ZNF841: variants seen among roughly 807,000 people sequenced by gnomAD.
ZNF841 encodes zinc finger protein 841.
Under a neutral mutation model 13.0 loss-of-function variants are expected in ZNF841, and 11 were observed. The ratio of observed to expected loss-of-function variants is 0.85; its 90% CI spans 0.53 to 1.40. The LOEUF (loss-of-function observed/expected upper bound fraction) is 1.40. Among genes scored for constraint, ZNF841 ranks in the 40% most tolerant of loss-of-function variants. The pLI is 0.00. For missense variants in ZNF841, 1,068 were observed against 1,139.5 expected, an observed-to-expected ratio of 0.94 and a Z score of 0.90; for synonymous variants, 369 against 381.6, an observed-to-expected ratio of 0.97 and a Z score of 0.38.
At chr19:52,061,543 C>G (rs376915727), downstream of ZNF841, among the ~76,000 whole-genome samples, 3 of 151,964 alleles carry the variant, frequency 2.0e-5, no homozygotes, top group African/African-American at 4.8e-5. Flanking sequence ...TGATCCCCCC[C>G]ACTCTTACTT....
intron 2 of ZNF841, among the ~76,000 whole-genome samples, chr19:52,090,337 G>A (rs2088428284): frequency 1.3e-5 from 2 of 152,016 alleles, no homozygotes; most frequent in African/African-American, 4.8e-5. Flanking sequence ...GAGGTGGGAG[G>A]ATTGCTTGAG....
At chr19:52,076,920 A>T in intron 5 of ZNF841, 38 bp downstream of exon 5, 1 of 1,605,884 alleles carries the variant, frequency 6.2e-7, no homozygotes, top group Non-Finnish European at 8.5e-7. Context: ...AAAATGCACA[A>T]GGGAAGATCC....
intron 1 of ZNF841, 191 bp from the exon 2 acceptor site, chr19:52,094,162 C>G (rs1319433624): frequency 2.0e-5 from 3 of 152,162 alleles, no homozygotes; most frequent in Non-Finnish European, 2.9e-5. Flanking sequence ...TGCCCTCTGG[C>G]TAAATAGGAA....
chr19:52,062,871 ATTTT>A (rs34996737), downstream of ZNF841, among the ~76,000 whole-genome samples: 4,283 of 120,108 alleles, frequency 0.036, 72 homozygotes, highest in Non-Finnish European at 0.055. Context: ...CTGTTGAGAA[ATTTT>A]TTTTTTTTTT....
At chr19:52,075,935 G>C in intron 6 of ZNF841, 109 bp downstream of exon 6, 1 of 1,405,314 alleles carries the variant, frequency 7.1e-7, no homozygotes, top group Non-Finnish European at 9.5e-7. Context: ...GAAAACTTCT[G>C]GAGCTCACAG....
chr19:52,068,593 TGGAACCCAGGAG>T (rs1348886949), intron 6 of ZNF841, among the ~76,000 whole-genome samples: 1 of 148,906 alleles, frequency 6.7e-6, no homozygotes, highest in African/African-American at 2.5e-5. Context: ...GGAGAATCAT[TGGAACCCAGGAG>T]GCGGAGGTTG....
intron 3 of ZNF841, among the ~76,000 whole-genome samples, chr19:52,086,250 C>T (rs2088270136): frequency 6.6e-6 from 1 of 152,102 alleles, no homozygotes; most frequent in African/African-American, 2.4e-5. Context: ...ACTGGTGGGG[C>T]CTGGTGGGAG....
In ZNF841 at chr19:52,093,909, A is replaced by C. The variant is rs2088586428; in HGVS notation, c.-207T>G. 6.6e-6 allele frequency: 1 copy of C among 152,176 alleles called. No individual in the cohort carries two copies. The highest frequency in any genetic ancestry group is 1.5e-5 in the Non-Finnish European group (1 of 68,048). The allele number at this position is 152,176 out of a possible 1,614,324, so 9.4% of individuals were successfully genotyped here. ...AGTGCGTTGAGAGGCTGAGGTGGAA[A>C]GACTGCTTGAGGCCAGGAAGTAGAA... is the stretch of plus-strand genomic sequence containing the variant. On this transcript the variant is annotated 5_prime_UTR_variant, in exon 2 of 7. Coordinates refer to ENST00000594440, the MANE Select transcript of ZNF841 (RefSeq NM_001136499.2).
At chr19:52,068,193 A>G (rs1164520253) in intron 6 of ZNF841, among the ~76,000 whole-genome samples, 1 of 152,218 alleles carries the variant, frequency 6.6e-6, no homozygotes, top group Non-Finnish European at 1.5e-5. Context: ...TATATTCTAG[A>G]GGCAGTATAT....
intron 4 of ZNF841, among the ~76,000 whole-genome samples, chr19:52,079,255 A>G (rs1486047925): frequency 6.6e-6 from 1 of 152,136 alleles, no homozygotes. Flanking sequence ...ACAAAAGCCA[A>G]ATGGAGTTTA....
At chr19:52,088,069 C>G (rs1389527114) in intron 3 of ZNF841, among the ~76,000 whole-genome samples, 1 of 151,552 alleles carries the variant, frequency 6.6e-6, no homozygotes, top group Admixed American at 6.6e-5. Context: ...AAGGTAGCCC[C>G]CCTAAATGAT....
Position 52,067,224 on chromosome 19 carries a change from C to T in ZNF841, c.658G>A (p.Ala220Thr). 6.5e-7 allele frequency: 1 copy of T among 1,549,082 alleles called. No individual in the cohort carries two copies. The highest frequency in any genetic ancestry group is 8.7e-7 in the Non-Finnish European group (1 of 1,146,234). Residue 220 changes from alanine to threonine, a missense_variant, in exon 7 of 7, where the codon GCT becomes ACT. Transcript: ENST00000594440. The stretch of plus-strand genomic sequence containing the variant: ...GGAAAAATTCTTTGAAGTGGTGAAG[C>T]TAAAAAACAATTATTAACTGTCCTC... Reference protein sequence around the residue: ...IERTVNNCFLASPLQRIFPGV... With the variant: ...IERTVNNCFLTSPLQRIFPGV...
At chr19:52,085,457 G>A (rs2088240545) in intron 3 of ZNF841, among the ~76,000 whole-genome samples, 1 of 152,168 alleles carries the variant, frequency 6.6e-6, no homozygotes, top group African/African-American at 2.4e-5. Flanking sequence ...TGTCCCCTTG[G>A]GGCTTCACTG....
At chr19:52,087,420 A>G (rs59651680) in intron 3 of ZNF841, among the ~76,000 whole-genome samples, 2 of 151,826 alleles carry the variant, frequency 1.3e-5, no homozygotes, top group Non-Finnish European at 2.9e-5. Context: ...TATGTGTCCA[A>G]GTATTCTCAT....
intron 4 of ZNF841, among the ~76,000 whole-genome samples, chr19:52,083,447 A>G (rs540922974): frequency 6.6e-6 from 1 of 151,504 alleles, no homozygotes; most frequent in East Asian, 1.9e-4. Flanking sequence ...AAAAAATACT[A>G]CTATGTTCTT....
intron 4 of ZNF841, among the ~76,000 whole-genome samples, chr19:52,080,639 T>C (rs1377349990): frequency 6.6e-6 from 1 of 152,170 alleles, no homozygotes; most frequent in African/African-American, 2.4e-5. Context: ...AACCAGTGTG[T>C]GCAGTAACAC....
Position 52,092,851 on chromosome 19 carries a change from C to T in ZNF841, c.-144+995G>A, listed in dbSNP as rs572068075. 1.7e-3 allele frequency among the ~76,000 whole-genome samples: 254 copies of T among 152,224 alleles called. 2 individuals are homozygous for T. Among genetic ancestry groups the T allele is most frequent in the African/African-American group, 5.8e-3 (242 of 41,546 alleles). Reference sequence around the variant, plus strand: ...AAAACAAAAAAATGGCTGGGTGTGGCGGCTCACGCCTGTAATCCTAACACT... The same window carrying T: ...AAAACAAAAAAATGGCTGGGTGTGGTGGCTCACGCCTGTAATCCTAACACT... On this transcript the variant is annotated intron_variant, in intron 2 of 6. Coordinates refer to ENST00000594440, the MANE Select transcript of ZNF841 (RefSeq NM_001136499.2).
intron 2 of ZNF841, among the ~76,000 whole-genome samples, chr19:52,089,408 C>A (rs140382992): frequency 6.6e-6 from 1 of 152,074 alleles, no homozygotes; most frequent in African/African-American, 2.4e-5. Flanking sequence ...TGTGGAAGGC[C>A]AAGGTGGGCA....
At chr19:52,090,681 A>AAG (rs1425527306) in intron 2 of ZNF841, among the ~76,000 whole-genome samples, 2,509 of 149,652 alleles carry the variant, frequency 0.017, 99 homozygotes, top group African/African-American at 0.059. Context: ...GAAAGAAAGA[A>AAG]AGAAAGAAAG....
Sources: allele counts gnomAD v4.1 joint callset (sites outside exome capture counted in the v4.1 genomes callset), GRCh38; gene constraint gnomAD v4.1.1; transcripts MANE v1.5; gene names NCBI Gene and HGNC (gene_info 2026-07-23, HGNC 2026-07-21).